RAB6B: variants seen among roughly 807,000 people sequenced by gnomAD.
RAB6B encodes the protein ras-related protein Rab-6B.
In RAB6B, 7 loss-of-function variants were observed where a neutral mutation model predicts 31.2. That is an observed-to-expected ratio of 0.22 (90% CI 0.13 to 0.42). RAB6B has a LOEUF of 0.42. RAB6B is among the 10% of genes least tolerant of loss of function. RAB6B has a pLI of 1.00. For synonymous variants in RAB6B, 105 were observed against 104.9 expected (o/e 1.00, Z -0.01); for missense variants, 149 against 280.6 (o/e 0.53, Z 3.35).
intron 2 of RAB6B, among the ~76,000 whole-genome samples, chr3:133,843,337 T>C (rs1004956807): frequency 6.6e-6 from 1 of 152,256 alleles, no homozygotes; most frequent in African/African-American, 2.4e-5. Flanking sequence ...GGGCTCTTTC[T>C]ACCACAGCTT....
chr3:133,864,632 C>T lies in RAB6B; in HGVS notation c.81G>A (p.Thr27=), dbSNP rs61748111. 3.2e-3 allele frequency: 5,129 copies of T among 1,614,136 alleles called. 15 individuals are homozygous for T. Among genetic ancestry groups the T allele is most frequent in the Non-Finnish European group, 3.9e-3 (4,579 of 1,179,950 alleles). The part of the protein sequence containing the change: ...VFLGEQSVGK[T]SLITRFMYDS... ...CGTACATGAACCTCGTAATCAGAGACGTCTTCCCGACTGCAAAACAACAAG... is the reference window on the plus strand; with the variant it reads ...CGTACATGAACCTCGTAATCAGAGATGTCTTCCCGACTGCAAAACAACAAG... The change falls in exon 2 of 8, where the codon ACG becomes ACA. Residue 27 remains threonine, a synonymous_variant. Coordinates refer to ENST00000285208, the MANE Select transcript of RAB6B (RefSeq NM_016577.4).
chr3:133,862,855 TCTCA>T (rs1324517389), intron 2 of RAB6B, among the ~76,000 whole-genome samples: 1 of 151,470 alleles, frequency 6.6e-6, no homozygotes, highest in African/African-American at 2.4e-5. Context: ...CAACCAAGAG[TCTCA>T]CTGTTTTCAA....
At chr3:133,889,406 A>T (rs1279737954) in intron 1 of RAB6B, among the ~76,000 whole-genome samples, 17 of 38,410 alleles carry the variant, frequency 4.4e-4, no homozygotes, top group Non-Finnish European at 7.6e-4. Context: ...ATATATATAT[A>T]TATATATATA....
chr3:133,862,124 A>G (rs1010307534), intron 2 of RAB6B, among the ~76,000 whole-genome samples: 2 of 137,758 alleles, frequency 1.5e-5, no homozygotes, highest in Non-Finnish European at 3.1e-5. Flanking sequence ...CACCTGCTGC[A>G]ATATTGAAAA....
At chr3:133,832,403 A>G (rs997140595) in intron 7 of RAB6B, among the ~76,000 whole-genome samples, 3 of 152,102 alleles carry the variant, frequency 2.0e-5, no homozygotes, top group Non-Finnish European at 4.4e-5. Context: ...TAGACCTGCA[A>G]GCAGCAGACG....
intron 1 of RAB6B, 102 bp from the exon 2 acceptor site, chr3:133,864,744 GGGGAAA>G (rs1936211835): frequency 1.7e-6 from 2 of 1,169,488 alleles, no homozygotes; most frequent in African/African-American, 3.0e-5. Flanking sequence ...AAAAAGCACA[GGGGAAA>G]GGCCGAGTTG....
chr3:133,836,569 G>A (rs551873648), intron 6 of RAB6B, among the ~76,000 whole-genome samples: 1 of 152,280 alleles, frequency 6.6e-6, no homozygotes, highest in Non-Finnish European at 1.5e-5. Flanking sequence ...GCACTCTGGG[G>A]GTAGGGGCAT....
intron 1 of RAB6B, among the ~76,000 whole-genome samples, chr3:133,869,004 C>T (rs76718318): frequency 6.6e-6 from 1 of 152,262 alleles, no homozygotes; most frequent in Non-Finnish European, 1.5e-5. Context: ...AAAGGTCTGA[C>T]AGTAGCAAAG....
intron 1 of RAB6B, among the ~76,000 whole-genome samples, chr3:133,880,497 A>G (rs1044178491): frequency 2.0e-5 from 3 of 152,238 alleles, no homozygotes; most frequent in Non-Finnish European, 4.4e-5. Flanking sequence ...GGAGGCCTCT[A>G]GACTGCAGGC....
intron 1 of RAB6B, among the ~76,000 whole-genome samples, chr3:133,878,571 A>G (rs1367613711): frequency 6.6e-6 from 1 of 152,278 alleles, no homozygotes; most frequent in Non-Finnish European, 1.5e-5. Context: ...AAATGAAACC[A>G]GATGGAAATG....
In RAB6B at chr3:133,850,991, C is replaced by G. The variant is rs114482527; in HGVS notation, c.130-9328G>C. 6.5e-3 allele frequency among the ~76,000 whole-genome samples: 957 copies of G among 146,624 alleles called. 13 individuals carry two copies. The highest frequency in any genetic ancestry group is 0.023 in the African/African-American group (914 of 39,634). Reference sequence around the variant, plus strand: ...GGAAAAAAATGGAAGCTAGAAAACACTGGAATGACACAATAAAAGTGTTCA... The same window carrying G: ...GGAAAAAAATGGAAGCTAGAAAACAGTGGAATGACACAATAAAAGTGTTCA... On this transcript the variant is annotated intron_variant, in intron 2 of 7. Coordinates refer to ENST00000285208, the MANE Select transcript of RAB6B (RefSeq NM_016577.4).
At chr3:133,850,745 T>C (rs1935972256) in intron 2 of RAB6B, among the ~76,000 whole-genome samples, 2 of 151,922 alleles carry the variant, frequency 1.3e-5, no homozygotes, top group Admixed American at 6.6e-5. Flanking sequence ...AAAGAAATAA[T>C]GGTGAAAAGT....
intron 1 of RAB6B, among the ~76,000 whole-genome samples, chr3:133,889,388 T>TTTATATATA (rs1277081488): frequency 1.2e-5 from 1 of 80,274 alleles, no homozygotes; most frequent in Non-Finnish European, 2.5e-5. Flanking sequence ...GGTTATTTTG[T>TTTATATATA]TATATATATA....
chr3:133,891,762 G>C (rs1451640342), intron 1 of RAB6B, among the ~76,000 whole-genome samples: 1 of 152,204 alleles, frequency 6.6e-6, no homozygotes, highest in African/African-American at 2.4e-5. Context: ...TCATTGCACA[G>C]CTCCAAGGAA....
intron 6 of RAB6B, among the ~76,000 whole-genome samples, chr3:133,836,214 G>C (rs1935732594): frequency 6.6e-6 from 1 of 152,154 alleles, no homozygotes; most frequent in Non-Finnish European, 1.5e-5. Context: ...TGGGCGGGCT[G>C]CAGAGGAGGC....
In RAB6B at chr3:133,825,768, A is replaced by G. The variant is rs1412875968; in HGVS notation, c.*3020T>C. 2 of 152,208 alleles carry G rather than the reference A, an allele frequency of 1.3e-5. No homozygotes were observed. Among genetic ancestry groups the G allele is most frequent in the Non-Finnish European group, 2.9e-5 (2 of 68,060 alleles). 9.4% of individuals were successfully genotyped at this position (152,208 alleles called of 1,614,324 possible). A position where few individuals can be genotyped will look rare whatever the true frequency, so the allele number is the denominator to read the frequency against. On this transcript the variant is annotated 3_prime_UTR_variant, in exon 8 of 8. Transcript: ENST00000285208. ...ACCCCCTTCACTCCCACCATCCCCAAAAAAGAAGGCCAAGAGGATCCTGCT... is the reference window on the plus strand; with the variant it reads ...ACCCCCTTCACTCCCACCATCCCCAGAAAAGAAGGCCAAGAGGATCCTGCT...
Position 133,841,370 on chromosome 3 carries a change from G to A in RAB6B, c.204C>T (p.Asp68=). The change falls in exon 4 of 8, where the codon GAC becomes GAT. Residue 68 remains aspartate (D), a synonymous_variant. Coordinates refer to ENST00000285208, the MANE Select transcript of RAB6B (RefSeq NM_016577.4). ...EDRTVRLQLW[D]TAGQERFRSL... ...TGCGGAACCTCTCCTGACCAGCTGT[G>A]TCCCAGAGCTGCAGTCGCACCTGTC... is the stretch of plus-strand genomic sequence containing the variant. 1 of 1,614,160 alleles carries A rather than the reference G, an allele frequency of 6.2e-7. No homozygotes were observed. The highest frequency in any genetic ancestry group is 1.7e-4 in the Middle Eastern group (1 of 6,060).
chr3:133,850,813 A>G (rs575980011), intron 2 of RAB6B, among the ~76,000 whole-genome samples: 1 of 152,262 alleles, frequency 6.6e-6, no homozygotes, highest in Admixed American at 6.5e-5. Context: ...AACTCCAAGC[A>G]TTACATTAAA....
At chr3:133,873,149 T>C (rs1416352546) in intron 1 of RAB6B, among the ~76,000 whole-genome samples, 2 of 152,102 alleles carry the variant, frequency 1.3e-5, no homozygotes, top group Non-Finnish European at 2.9e-5. Flanking sequence ...TCCTAAAGGA[T>C]CCCATCCACG....
Sources: allele counts gnomAD v4.1 joint callset (sites outside exome capture counted in the v4.1 genomes callset), GRCh38; gene constraint gnomAD v4.1.1; transcripts MANE v1.5; gene names NCBI Gene and HGNC (gene_info 2026-07-23, HGNC 2026-07-21).